The following MGAM variants were observed in gnomAD, a reference collection of about 807,000 sequenced individuals.
MGAM encodes maltase-glucoamylase.
Under a neutral mutation model 358.8 loss-of-function variants are expected in MGAM, and 253 were observed. The ratio of observed to expected loss-of-function variants is 0.71; its 90% CI spans 0.64 to 0.78. MGAM has a LOEUF of 0.78. Ranked by LOEUF, MGAM falls within the 30% of genes least tolerant of loss-of-function variation. MGAM has a pLI of 0.00. For synonymous variants in MGAM, 1,105 were observed against 1,227.1 expected, an observed-to-expected ratio of 0.90 and a Z score of 2.08; for missense variants, 3,080 against 3,432.6, an observed-to-expected ratio of 0.90 and a Z score of 2.57.
At chr7:142,048,338 T>G (rs1269254179) in intron 22 of MGAM, among the ~76,000 whole-genome samples, 1 of 151,422 alleles carries the variant, frequency 6.6e-6, no homozygotes, top group Non-Finnish European at 1.5e-5. Flanking sequence ...TTAGTAGAGA[T>G]GAGGTTTCAC....
intron 64 of MGAM, chr7:142,096,039 G>A (rs559816003): frequency 1.7e-6 from 1 of 594,950 alleles, no homozygotes; most frequent in African/African-American, 1.9e-5. Context: ...TTCAGGAAGA[G>A]ATTTGAGGGA....
chr7:142,095,260 C>T (rs964103716), intron 63 of MGAM, among the ~76,000 whole-genome samples: 3 of 152,096 alleles, frequency 2.0e-5, no homozygotes, highest in East Asian at 1.9e-4. Context: ...TTGTTAAGCC[C>T]ATGGGTCTCA....
intron 34 of MGAM, 93 bp from the exon 35 acceptor site, chr7:142,062,475 T>G: frequency 6.7e-7 from 1 of 1,488,170 alleles, no homozygotes; most frequent in Non-Finnish European, 9.1e-7. Flanking sequence ...ACCATGCAGT[T>G]GAAGTATTTG....
At position 142,016,866 on chromosome 7, in the gene MGAM, C is replaced by T. The variant is rs192276682; in HGVS notation, c.328-2333C>T. Among the ~76,000 whole-genome samples, 15 of 152,268 alleles carry T rather than the reference C, an allele frequency of 9.9e-5. No individual in the cohort carries two copies. In the South Asian group the frequency reaches 2.3e-3, roughly 23 times the overall value. ...CCTCCCAAAGTGCTGGGATTACAGG[C>T]GAGAGCCACTGCACCCAGCTGGCAT... On this transcript the variant is annotated intron_variant, in intron 3 of 70. Coordinates refer to ENST00000475668, the MANE Select transcript of MGAM (RefSeq NM_001365693.1).
rs1204649463 is a variant in MGAM at position 142,096,240 on chromosome 7, T to C, written c.7608-91T>C. On this transcript the variant is annotated intron_variant, in intron 64 of 70. Coordinates refer to ENST00000475668, the MANE Select transcript of MGAM (RefSeq NM_001365693.1). ...AGGATGGCTCAGGGGCAGCTGTATT[T>C]CCGACTTGGATCTGAACTTGAGGAG... 10 of 1,254,096 alleles carry C rather than the reference T, an allele frequency of 8.0e-6. No individual in the cohort carries two copies. The Admixed American group carries it at 1.9e-4, about 24-fold the overall frequency. 77.7% of individuals were successfully genotyped at this position (1,254,096 alleles called of 1,614,324 possible).
chr7:142,100,018 G>A lies in MGAM; in HGVS notation c.7874+281G>A, dbSNP rs554130529. On this transcript the variant is annotated intron_variant, in intron 67 of 70. Coordinates refer to ENST00000475668, the MANE Select transcript of MGAM (RefSeq NM_001365693.1). Reference sequence around the variant, plus strand: ...TGGAAGTCAAAATAGGAGCCACCACGATTCATAATAGTTTTAGTATACTAT... The same window carrying A: ...TGGAAGTCAAAATAGGAGCCACCACAATTCATAATAGTTTTAGTATACTAT... 2.6e-5 allele frequency among the ~76,000 whole-genome samples: 4 copies of A among 152,248 alleles called. No individual in the cohort carries two copies. In the South Asian group the frequency reaches 6.2e-4, roughly 24 times the overall value.
intron 7 of MGAM, among the ~76,000 whole-genome samples, chr7:142,023,394 A>G (rs1806642357): frequency 6.6e-6 from 1 of 151,924 alleles, no homozygotes. Flanking sequence ...GAATTAATGG[A>G]TGGAAGAAAG....
chr7:142,054,334 A>T (rs1811286607), intron 26 of MGAM, among the ~76,000 whole-genome samples: 1 of 152,206 alleles, frequency 6.6e-6, no homozygotes, highest in African/African-American at 2.4e-5. Context: ...CTCATGAATC[A>T]GTTTAGATAC....
chr7:142,046,362 AT>A (rs895904426), intron 21 of MGAM, among the ~76,000 whole-genome samples: 42 of 151,098 alleles, frequency 2.8e-4, no homozygotes, highest in Admixed American at 4.0e-4. Flanking sequence ...TGGTGATCTT[AT>A]TTTTTTTAAG....
intron 3 of MGAM, among the ~76,000 whole-genome samples, chr7:142,017,715 A>G (rs1806084090): frequency 6.6e-6 from 1 of 152,234 alleles, no homozygotes; most frequent in Admixed American, 6.5e-5. Context: ...ATCTTACGGC[A>G]GTATAAACCA....
Position 142,058,265 on chromosome 7 carries a change from C to G in MGAM, c.3756C>G (p.Gly1252=). 6.2e-7 allele frequency: 1 copy of G among 1,613,934 alleles called. No individual in the cohort carries two copies. The highest frequency in any genetic ancestry group is 1.1e-5 in the South Asian group (1 of 91,076). ...WSLGFQLCRY[G]YQNDSEIASL... ...TGGGGTTCCAGCTGTGTCGCTATGG[C>G]TACCAGAATGACTCTGAGATCGCCA... Residue 1252 remains glycine, a synonymous_variant, in exon 31 of 71, where the codon GGC becomes GGG. Transcript: ENST00000475668.
intron 57 of MGAM, among the ~76,000 whole-genome samples, chr7:142,088,065 A>G (rs62477632): frequency 0.5 from 72,051 of 144,924 alleles, 22,885 homozygotes; most frequent in African/African-American, 0.66. Context: ...ATTAGACAGA[A>G]CCACACAATC....
chr7:142,008,426 A>G (rs1805332519), intron 2 of MGAM, 80 bp from the exon 3 acceptor site: 1 of 1,417,120 alleles, frequency 7.1e-7, no homozygotes, highest in African/African-American at 1.4e-5. Flanking sequence ...TAGTGGAGTT[A>G]ATTGGAGGTG....
intron 43 of MGAM, among the ~76,000 whole-genome samples, chr7:142,069,918 G>A (rs1477584729): frequency 1.4e-5 from 2 of 145,794 alleles, no homozygotes; most frequent in Non-Finnish European, 3.1e-5. Flanking sequence ...ATTGGGCCAG[G>A]TGTGGTGGCT....
chr7:142,097,101 AT>A (rs11289169), intron 65 of MGAM, among the ~76,000 whole-genome samples: 7,788 of 149,794 alleles, frequency 0.052, 678 homozygotes, highest in African/African-American at 0.18. Flanking sequence ...GCCAATTTAA[AT>A]TTTTTTTTTT....
intron 35 of MGAM, among the ~76,000 whole-genome samples, chr7:142,063,121 A>G (rs547022882): frequency 1.1e-4 from 17 of 152,206 alleles, no homozygotes; most frequent in African/African-American, 4.1e-4. Context: ...TCGCTTGAAC[A>G]TAGGAGGCAG....
chr7:142,042,563 TATA>T (rs1809044259), intron 21 of MGAM, among the ~76,000 whole-genome samples: 1 of 48,830 alleles, frequency 2.0e-5, no homozygotes, highest in Non-Finnish European at 3.2e-5. Flanking sequence ...ACATATTATA[TATA>T]ATATATAATA....
chr7:142,029,947 T>C (rs6946799), intron 10 of MGAM, among the ~76,000 whole-genome samples: 101,538 of 152,066 alleles, frequency 0.67, 34,152 homozygotes, highest in East Asian at 0.8. Flanking sequence ...CAAAATAAAA[T>C]GTGGGGTAGT....
In MGAM at chr7:142,086,696, A is replaced by T; in HGVS notation, c.6789A>T (p.Leu2263=). 9.0e-7 allele frequency: 1 copy of T among 1,117,052 alleles called. No homozygotes were observed. The highest frequency in any genetic ancestry group is 2.0e-5 in the Admixed American group (1 of 48,860). The allele number at this position is 1,117,052 out of a possible 1,614,324, so 69.2% of individuals were successfully genotyped here. A position where few individuals can be genotyped will look rare whatever the true frequency, so the allele number is the denominator to read the frequency against. The change falls in exon 57 of 71, where the codon CTA becomes CTT. Residue 2263 remains leucine, a synonymous_variant. Coordinates refer to ENST00000475668, the MANE Select transcript of MGAM (RefSeq NM_001365693.1). ...CTGATGTTGTTGTGAATGGGTCTCT[A>T]GACTGGGACAGTCAAGTGGAGGTAA... ...DFPDVVVNGS[L]DWDSQVELYR... is the part of the protein sequence containing the mutation.
Sources: gnomAD v4.1 joint callset for allele counts (sites outside exome capture counted in the v4.1 genomes callset) on GRCh38, gnomAD v4.1.1 for gene constraint, MANE v1.5 for transcripts, NCBI Gene and HGNC (gene_info 2026-07-23, HGNC 2026-07-21) for gene names.